MAGI2: variants seen among roughly 807,000 people sequenced by gnomAD.
MAGI2 encodes the protein membrane-associated guanylate kinase, WW and PDZ domain-containing protein 2.
In MAGI2, 35 loss-of-function variants were observed where a neutral mutation model predicts 133.3. That is an observed-to-expected ratio of 0.26 (90% CI 0.20 to 0.35). The LOEUF is 0.35. Among genes scored for constraint, MAGI2 ranks in the 10% least tolerant of loss-of-function variants. The pLI, the probability that MAGI2 is intolerant of heterozygous loss-of-function variation, is 1.00. For synonymous variants in MAGI2, 729 were observed against 710.6 expected (o/e 1.03, Z -0.41); for missense variants, 1,636 against 1,863.4 (o/e 0.88, Z 2.25).
chr7:79,122,491 C>T (rs1376874535), intron 1 of MAGI2, among the ~76,000 whole-genome samples: 1 of 152,092 alleles, frequency 6.6e-6, no homozygotes, highest in Admixed American at 6.6e-5. Context: ...GAGTCATTAC[C>T]CATTACGCTT....
chr7:78,293,878 T>G (rs1177396507), intron 9 of MAGI2, among the ~76,000 whole-genome samples: 1 of 152,114 alleles, frequency 6.6e-6, no homozygotes, highest in East Asian at 1.9e-4. Context: ...AGGTGGGAAT[T>G]GAACAATGAG....
intron 1 of MAGI2, among the ~76,000 whole-genome samples, chr7:79,071,266 C>G (rs1461040405): frequency 2.6e-5 from 4 of 152,180 alleles, no homozygotes; most frequent in African/African-American, 9.7e-5. Context: ...GCCTGGGTAT[C>G]ACTGGTGGAG....
At chr7:78,504,786 A>G in intron 4 of MAGI2, among the ~76,000 whole-genome samples, 1 of 152,142 alleles carries the variant, frequency 6.6e-6, no homozygotes, top group East Asian at 1.9e-4. Context: ...ATGCCTATCA[A>G]TGAGATTATA....
At chr7:78,829,544 A>T (rs1790956742) in intron 2 of MAGI2, among the ~76,000 whole-genome samples, 1 of 152,176 alleles carries the variant, frequency 6.6e-6, no homozygotes, top group East Asian at 1.9e-4. Flanking sequence ...ATATATGTAT[A>T]CTAAATGATT....
At chr7:78,450,259 C>T (rs191423319) in intron 6 of MAGI2, among the ~76,000 whole-genome samples, 8 of 152,104 alleles carry the variant, frequency 5.3e-5, no homozygotes, top group Admixed American at 2.0e-4. Flanking sequence ...ATACTAACTC[C>T]TTTCAATCCT....
At chr7:78,666,398 T>C (rs321989) in intron 2 of MAGI2, among the ~76,000 whole-genome samples, 18,536 of 152,146 alleles carry the variant, frequency 0.12, 1,420 homozygotes, top group East Asian at 0.4. Context: ...ATTGTATAGT[T>C]CATTGTATAG....
chr7:78,989,901 A>G (rs1465634099), intron 2 of MAGI2, among the ~76,000 whole-genome samples: 4 of 152,018 alleles, frequency 2.6e-5, no homozygotes, highest in Non-Finnish European at 5.9e-5. Flanking sequence ...TTATATAAAT[A>G]TTTATTCCAT....
chr7:78,605,589 T>C (rs1805719391), intron 3 of MAGI2, among the ~76,000 whole-genome samples: 1 of 152,210 alleles, frequency 6.6e-6, no homozygotes, highest in African/African-American at 2.4e-5. Flanking sequence ...CAAAATATTA[T>C]AATTCTGTAA....
chr7:78,908,997 A>G (rs2151609358), intron 2 of MAGI2, among the ~76,000 whole-genome samples: 1 of 152,268 alleles, frequency 6.6e-6, no homozygotes, highest in Admixed American at 6.5e-5. Context: ...TCTGCACAGC[A>G]AAAGAAACTA....
At chr7:78,897,599 GC>G (rs1305756487) in intron 2 of MAGI2, among the ~76,000 whole-genome samples, 2 of 152,174 alleles carry the variant, frequency 1.3e-5, no homozygotes, top group Non-Finnish European at 2.9e-5. Context: ...GCTTAGGATT[GC>G]CTTGGCTATC....
chr7:78,891,826 G>A (rs1584301694), intron 2 of MAGI2, among the ~76,000 whole-genome samples: 1 of 152,166 alleles, frequency 6.6e-6, no homozygotes, highest in Non-Finnish European at 1.5e-5. Context: ...CACAAGACAG[G>A]GATGCCCTCT....
At chr7:78,762,313 C>T (rs1304635729) in intron 2 of MAGI2, among the ~76,000 whole-genome samples, 1 of 151,918 alleles carries the variant, frequency 6.6e-6, no homozygotes, top group African/African-American at 2.4e-5. Context: ...CGTGGTGGTG[C>T]ACACCTGTAA....
chr7:79,237,218 G>A (rs576888591), intron 1 of MAGI2, among the ~76,000 whole-genome samples: 25 of 152,274 alleles, frequency 1.6e-4, no homozygotes, highest in South Asian at 4.1e-4. Flanking sequence ...TACACTTGCC[G>A]GGCGCGGTGG....
chr7:79,133,773 T>C (rs1351543393), intron 1 of MAGI2, among the ~76,000 whole-genome samples: 1 of 152,170 alleles, frequency 6.6e-6, no homozygotes, highest in African/African-American at 2.4e-5. Context: ...CCCAAAATGG[T>C]GCATCTTCAG....
rs183292178 is a variant in MAGI2 at position 78,874,697 on chromosome 7, G to C, written c.418+132393C>G. ...GTATCAAATGATAGTTAGATAAGAG[G>C]AATAAGTTCTAGTGTTCCATTACAC... On this transcript the variant is annotated intron_variant, in intron 2 of 21. Coordinates refer to ENST00000354212, the MANE Select transcript of MAGI2 (RefSeq NM_012301.4). Among the ~76,000 whole-genome samples the C allele has an allele frequency of 7.9e-5, 12 of 152,188 alleles. No homozygotes were observed. In the East Asian group the frequency reaches 2.3e-3, roughly 29 times the overall value.
At chr7:78,257,019 G>C (rs185197286) in intron 9 of MAGI2, among the ~76,000 whole-genome samples, 567 of 152,186 alleles carry the variant, frequency 3.7e-3, no homozygotes, top group Non-Finnish European at 6.8e-3. Flanking sequence ...TTTTGTATAA[G>C]TTGAATAAGT....
chr7:78,067,437 T>C (rs1201834061), intron 21 of MAGI2, among the ~76,000 whole-genome samples: 2 of 152,146 alleles, frequency 1.3e-5, no homozygotes, highest in East Asian at 1.9e-4. Context: ...ATGCATACAT[T>C]ATGAGTGTAT....
At chr7:78,167,517 T>C (rs1021972566) in intron 15 of MAGI2, among the ~76,000 whole-genome samples, 2 of 152,240 alleles carry the variant, frequency 1.3e-5, no homozygotes, top group African/African-American at 4.8e-5. Flanking sequence ...TGAAAGCTAA[T>C]TTTCCATCCT....
At chr7:78,965,582 G>A (rs565902959) in intron 2 of MAGI2, among the ~76,000 whole-genome samples, 1 of 151,970 alleles carries the variant, frequency 6.6e-6, no homozygotes, top group Admixed American at 6.6e-5. Flanking sequence ...GTTCTCCTAG[G>A]AAATCAGATT....
Sources: allele counts gnomAD v4.1 joint callset (sites outside exome capture counted in the v4.1 genomes callset), GRCh38; gene constraint gnomAD v4.1.1; transcripts MANE v1.5; gene names NCBI Gene and HGNC (gene_info 2026-07-23, HGNC 2026-07-21).